The following CYP24A1 variants were observed in gnomAD, a reference collection of about 807,000 sequenced individuals.
CYP24A1 encodes the protein cytochrome P450 family 24 subfamily A member 1.
A neutral mutation model predicts 62.4 loss-of-function variants in CYP24A1; 68 were observed. The observed-to-expected ratio is 1.09, with a 90% CI of 0.90 to 1.33. The LOEUF (loss-of-function observed/expected upper bound fraction) is 1.33. Ranked by LOEUF, CYP24A1 falls within the 40% of genes most tolerant of loss-of-function variation. The pLI is 0.00. For synonymous variants in CYP24A1, 267 were observed against 253.0 expected, an observed-to-expected ratio of 1.06 and a Z score of -0.52; for missense variants, 787 against 653.0, an observed-to-expected ratio of 1.21 and a Z score of -2.24.
intron 2 of CYP24A1, 158 bp downstream of exon 2, chr20:54,172,751 C>A: frequency 6.7e-7 from 1 of 1,492,614 alleles, no homozygotes; most frequent in Non-Finnish European, 8.9e-7. Flanking sequence ...TGTACAAGAG[C>A]TCAGGGTTGC....
At chr20:54,155,612 C>T (rs1416760777) in intron 11 of CYP24A1, among the ~76,000 whole-genome samples, 2 of 151,862 alleles carry the variant, frequency 1.3e-5, no homozygotes, top group Admixed American at 1.3e-4. Flanking sequence ...GTGCACCTGC[C>T]TGTAATCCCA....
chr20:54,159,673 G>A (rs775541583), intron 7 of CYP24A1, among the ~76,000 whole-genome samples: 48 of 152,188 alleles, frequency 3.2e-4, no homozygotes, highest in Non-Finnish European at 5.9e-4. Context: ...ACAGGCATGA[G>A]CCAACTGTGC....
Position 54,165,813 on chromosome 20 carries a change from C to T in CYP24A1, c.661G>A (p.Glu221Lys), listed in dbSNP as rs755722524. 2 of 1,471,256 alleles carry T rather than the reference C, an allele frequency of 1.4e-6. No homozygotes were observed. Among genetic ancestry groups the T allele is most frequent in the South Asian group, 2.3e-5 (2 of 88,272 alleles). The allele number at this position is 1,471,256 out of a possible 1,614,324, so 91.1% of individuals were successfully genotyped here. A position where few individuals can be genotyped will look rare whatever the true frequency, so the allele number is the denominator to read the frequency against. Residue 221 changes from glutamate to lysine, a missense_variant, in exon 5 of 12, where the codon GAG (glutamate) becomes AAG (lysine). By Grantham distance (56) the Glu-to-Lys change is moderately conservative. Coordinates refer to ENST00000216862, the MANE Select transcript of CYP24A1 (RefSeq NM_000782.5). ...TTCTGGAGAAGCCCAAATCTCTTCT[C>T]ATACAACACGAGGCAGATACCTGTC... ...SFESICLVLY[E>K]KRFGLLQKNA...
At chr20:54,164,721 G>T (rs144524247) in intron 5 of CYP24A1, among the ~76,000 whole-genome samples, 158 bp from the exon 6 acceptor site, 1 of 151,928 alleles carries the variant, frequency 6.6e-6, no homozygotes, top group African/African-American at 2.4e-5. Flanking sequence ...GGTCCTGGGA[G>T]CAATGCCCGT....
At chr20:54,147,041 TTGAC>T in the CYP24A1 span, among the ~76,000 whole-genome samples, 2 of 152,210 alleles carry the variant, frequency 1.3e-5, no homozygotes, top group Admixed American at 6.5e-5. Flanking sequence ...GATAGATTCA[TTGAC>T]TGACCCATTT....
At chr20:54,147,503 T>C in the CYP24A1 span, among the ~76,000 whole-genome samples, 4 of 152,212 alleles carry the variant, frequency 2.6e-5, no homozygotes, top group African/African-American at 9.6e-5. Flanking sequence ...CTGATGGCTT[T>C]GTGGGCTCAG....
In CYP24A1 at chr20:54,173,764, G is replaced by A. The variant is rs2092703957; in HGVS notation, c.-185C>T. ...AAGGACCTCGGCGAGGATGCTCGAC[G>A]CTGCACCACGCGACAGCCTCAGAGC... On this transcript the variant is annotated 5_prime_UTR_variant, in exon 1 of 12. Coordinates refer to ENST00000216862, the MANE Select transcript of CYP24A1 (RefSeq NM_000782.5). The surrounding 1 kb of genome is among the most constrained non-coding windows in gnomAD (Gnocchi z 7.2). The A allele has an allele frequency of 1.7e-6, 1 of 605,128 alleles. No homozygotes were observed. 37.5% of individuals were successfully genotyped at this position (605,128 alleles called of 1,614,324 possible).
At chr20:54,162,441 T>C (rs2092654751) in intron 7 of CYP24A1, 1 of 325,568 alleles carries the variant, frequency 3.1e-6, no homozygotes. Flanking sequence ...TTTTTGTCAC[T>C]GGGGCACATG....
In CYP24A1 at chr20:54,155,917, T is replaced by C. The variant is rs906231167; in HGVS notation, c.*11-1156A>G. Among the ~76,000 whole-genome samples, 28 of 152,254 alleles carry C rather than the reference T, an allele frequency of 1.8e-4. No homozygotes were observed. In the South Asian group the frequency reaches 5.8e-3, roughly 32 times the overall value. On this transcript the variant is annotated intron_variant, in intron 11 of 11. Transcript: ENST00000216862. ...CATATGCTATTTGGCTTATGTTATT[T>C]AAAGGAAATAACTCAGTAGTATTGA...
chr20:54,171,341 A>C (rs2092693066), intron 3 of CYP24A1, among the ~76,000 whole-genome samples: 2 of 152,304 alleles, frequency 1.3e-5, no homozygotes, highest in South Asian at 2.1e-4. Context: ...ACCAAAGTCC[A>C]CACTCTCCAT....
intron 3 of CYP24A1, among the ~76,000 whole-genome samples, chr20:54,170,564 T>TAA (rs58881637): frequency 6.6e-6 from 1 of 151,654 alleles, no homozygotes; most frequent in African/African-American, 2.4e-5. Flanking sequence ...TTGTTACCAT[T>TAA]AAAAAAAACA....
Position 54,157,380 on chromosome 20 carries a change from G to T in CYP24A1, c.1434+8C>A. ...GAACATAATTGCAGAAACCGGTAAA[G>T]GTTTTACCCAACAAAGAGCCAAATG... On this transcript the variant is annotated splice_region_variant and intron_variant, in intron 10 of 11. Coordinates refer to ENST00000216862, the MANE Select transcript of CYP24A1 (RefSeq NM_000782.5). The T allele has an allele frequency of 6.4e-7, 1 of 1,562,978 alleles. No individual in the cohort carries two copies. The highest frequency in any genetic ancestry group is 8.8e-7 in the Non-Finnish European group (1 of 1,133,204).
chr20:54,168,568 ACAGGTACCCT>A (rs1209494569), intron 4 of CYP24A1, among the ~76,000 whole-genome samples: 1 of 152,034 alleles, frequency 6.6e-6, no homozygotes, highest in Non-Finnish European at 1.5e-5. Context: ...ACAATCCTCC[ACAGGTACCCT>A]CATGATTTGC....
Position 54,157,185 on chromosome 20 carries a change from C to T in CYP24A1, c.1539G>A (p.Gln513=), listed in dbSNP as rs1473723532. The change falls in exon 11 of 12, where the codon CAG becomes CAA. Residue 513 remains glutamine, a synonymous_variant. Transcript: ENST00000216862. ...GATGCTCACCTGAGGCGTATTATCG[C>T]TGGCAAAACGCGATGGGGAGTTCCC... ...PSRELPIAFC[Q]R 1.3e-6 allele frequency: 2 copies of T among 1,576,902 alleles called. No individual in the cohort carries two copies. Among genetic ancestry groups the T allele is most frequent in the South Asian group, 2.2e-5 (2 of 90,162 alleles).
rs2092687061 is a variant in CYP24A1 at position 54,169,642 on chromosome 20, CTT to C, written c.588_589del (p.Gly198ProfsTer3). 6.2e-7 allele frequency: 1 copy of C among 1,614,220 alleles called. No homozygotes were observed. On this transcript the variant is annotated frameshift_variant, in exon 4 of 12. Transcript: ENST00000216862. LOFTEE classifies it high-confidence loss of function. ...GCTGTACAAGTCTTCAACGTGGCCT[CTT>C]TCATCACAGAGCTCATCTATTCTGC...
intron 4 of CYP24A1, among the ~76,000 whole-genome samples, chr20:54,166,222 C>G (rs1169951196): frequency 1.3e-5 from 2 of 152,168 alleles, no homozygotes; most frequent in Non-Finnish European, 2.9e-5. Flanking sequence ...GAATTGGAAG[C>G]CATTCACCAG....
intron 6 of CYP24A1, among the ~76,000 whole-genome samples, chr20:54,163,565 T>C (rs1042371708): frequency 4.6e-5 from 7 of 152,202 alleles, no homozygotes; most frequent in South Asian, 2.1e-4. Flanking sequence ...CTTGGGAACG[T>C]TGGCTAACTT....
chr20:54,162,588 T>TGCGC (rs2092656662), intron 7 of CYP24A1, 129 bp downstream of exon 7: 1 of 525,670 alleles, frequency 1.9e-6, no homozygotes, highest in South Asian at 1.9e-5. Context: ...GTATGAGACT[T>TGCGC]TTCATTTTTG....
chr20:54,170,507 T>C (rs2092690298), intron 3 of CYP24A1, among the ~76,000 whole-genome samples: 1 of 152,160 alleles, frequency 6.6e-6, no homozygotes, highest in African/African-American at 2.4e-5. Flanking sequence ...TGGATTTAGT[T>C]TGCAAGTTTA....
Sources: allele counts gnomAD v4.1 joint callset (sites outside exome capture counted in the v4.1 genomes callset), GRCh38; gene constraint gnomAD v4.1.1; non-coding constraint Gnocchi (gnomAD v3.1); transcripts MANE v1.5; gene names NCBI Gene and HGNC (gene_info 2026-07-23, HGNC 2026-07-21).